Variants in TTBK1 observed in about 807,000 individuals in gnomAD.
The protein encoded by TTBK1 is tau-tubulin kinase 1.
Under a neutral mutation model 108.5 loss-of-function variants are expected in TTBK1, and 34 were observed. The observed-to-expected ratio is 0.31, with a 90% CI of 0.24 to 0.42. The LOEUF (loss-of-function observed/expected upper bound fraction) is 0.42, where lower values mean the gene tolerates loss of function less well. Among genes scored for constraint, TTBK1 ranks in the 10% least tolerant of loss-of-function variants. TTBK1 has a pLI of 1.00. For synonymous variants in TTBK1, 809 were observed against 795.1 expected (o/e 1.02, Z -0.29); for missense variants, 1,539 against 1,826.0 (o/e 0.84, Z 2.86).
intron 9 of TTBK1, among the ~76,000 whole-genome samples, 170 bp downstream of exon 9, chr6:43,256,026 G>C (rs924085794): frequency 6.6e-6 from 1 of 152,140 alleles, no homozygotes; most frequent in African/African-American, 2.4e-5. Context: ...ACTAGTCACA[G>C]CCAAGATTTA....
At position 43,285,884 on chromosome 6, in the gene TTBK1, C is replaced by T. The variant is rs942008740; in HGVS notation, c.*508C>T. On this transcript the variant is annotated 3_prime_UTR_variant, in exon 15 of 15. Transcript: ENST00000259750. This position sits in a 1 kb window ranked among gnomAD's most constrained non-coding sequence, Gnocchi z 4.7. ...GCCTCAAATTCCAGAAGTGGAGGCT[C>T]CAGCCTCCCCGCGAGGGTCCAGCCC... 1 of 152,750 alleles carries T rather than the reference C, an allele frequency of 6.5e-6. No homozygotes were observed. Among genetic ancestry groups the T allele is most frequent in the Non-Finnish European group, 1.5e-5 (1 of 68,196 alleles). 9.5% of individuals were successfully genotyped at this position (152,750 alleles called of 1,614,324 possible). A position where few individuals can be genotyped will look rare whatever the true frequency, so the allele number is the denominator to read the frequency against.
chr6:43,281,551 C>G (rs2150713085), intron 13 of TTBK1, among the ~76,000 whole-genome samples: 1 of 152,156 alleles, frequency 6.6e-6, no homozygotes, highest in Non-Finnish European at 1.5e-5. Context: ...GGGGAACCAC[C>G]AGGAAAGGCA....
chr6:43,287,986 G>C lies in TTBK1; in HGVS notation c.*2610G>C, dbSNP rs1446366579. On this transcript the variant is annotated 3_prime_UTR_variant, in exon 15 of 15. Transcript: ENST00000259750. This position sits in a 1 kb window ranked among gnomAD's most constrained non-coding sequence, Gnocchi z 4.1. ...CCAGCTCCTCACAGAGGCCTGGTTT[G>C]CTCAGTCTTCTGAACTCCAGGGACC... The C allele has an allele frequency of 6.6e-6, 1 of 152,568 alleles. No homozygotes were observed. Among genetic ancestry groups the C allele is most frequent in the Non-Finnish European group, 1.5e-5 (1 of 68,130 alleles). The allele number at this position is 152,568 out of a possible 1,614,324, so 9.5% of individuals were successfully genotyped here. A position where few individuals can be genotyped will look rare whatever the true frequency, so the allele number is the denominator to read the frequency against.
chr6:43,283,311 C>T lies in TTBK1; in HGVS notation c.2571C>T (p.Pro857=), dbSNP rs773777842. 13 of 1,580,566 alleles carry T rather than the reference C, an allele frequency of 8.2e-6. No individual in the cohort carries two copies. The highest frequency in any genetic ancestry group is 7.2e-5 in the Admixed American group (4 of 55,218). ...SPVTAELAPD[P]DLGTLAALTP... ...TCACTGCCGAACTGGCCCCCGACCC[C>T]GACCTGGGCACCCTGGCTGCCCTCA... The change falls in exon 14 of 15, where the codon CCC becomes CCT. Residue 857 remains proline, a synonymous_variant. Coordinates refer to ENST00000259750, the MANE Select transcript of TTBK1 (RefSeq NM_032538.3). The surrounding 1 kb of genome is among the most constrained non-coding windows in gnomAD (Gnocchi z 8.1).
Position 43,263,917 on chromosome 6 carries a change from A to G in TTBK1, c.1986+567A>G, listed in dbSNP as rs982401513. ...AGGCCACGTGGCAGGCAGTGGCAAG[A>G]GAGTGTCCCAGTGGCTTGGGCTGAG... On this transcript the variant is annotated intron_variant, in intron 13 of 14. Coordinates refer to ENST00000259750, the MANE Select transcript of TTBK1 (RefSeq NM_032538.3). This position sits in a 1 kb window ranked among gnomAD's most constrained non-coding sequence, Gnocchi z 4.7. 6.6e-6 allele frequency among the ~76,000 whole-genome samples: 1 copy of G among 152,152 alleles called. No individual in the cohort carries two copies. The highest frequency in any genetic ancestry group is 2.4e-5 in the African/African-American group (1 of 41,430).
Position 43,282,704 on chromosome 6 carries a change from G to A in TTBK1, c.1987-23G>A. On this transcript the variant is annotated intron_variant, in intron 13 of 14. Transcript: ENST00000259750. This position sits in a 1 kb window ranked among gnomAD's most constrained non-coding sequence, Gnocchi z 5.4. ...CCAGGAGGGTGGGTGACCTCAGAGG[G>A]TCCCTGTGTATGCCCCTTGCAGGTG... 6.4e-7 allele frequency: 1 copy of A among 1,572,176 alleles called. No homozygotes were observed. Among genetic ancestry groups the A allele is most frequent in the Non-Finnish European group, 8.6e-7 (1 of 1,159,104 alleles).
Position 43,263,170 on chromosome 6 carries a change from G to A in TTBK1, c.1806G>A (p.Ala602=), listed in dbSNP as rs200071763. ...GGCCCCGGGGACGCAGCATGCAGGC[G>A]CTGGCGGAGGAGGACCTGCAGCATT... is the stretch of plus-strand genomic sequence containing the variant. ...TVRPRGRSMQ[A]LAEEDLQHLP... is the part of the protein sequence containing the mutation. Residue 602 remains alanine, a synonymous_variant, in exon 13 of 15, where the codon GCG becomes GCA. Coordinates refer to ENST00000259750, the MANE Select transcript of TTBK1 (RefSeq NM_032538.3). The surrounding 1 kb of genome is among the most constrained non-coding windows in gnomAD (Gnocchi z 4.7). The A allele has an allele frequency of 1.4e-4, 227 of 1,575,404 alleles. 1 individual carries two copies. In the East Asian group the frequency reaches 4.5e-3, roughly 31 times the overall value.
At chr6:43,277,503 G>A (rs1778033115) in intron 13 of TTBK1, among the ~76,000 whole-genome samples, 1 of 152,246 alleles carries the variant, frequency 6.6e-6, no homozygotes, top group Admixed American at 6.5e-5. Context: ...CAAAGCCCCG[G>A]GGCATTTAGA....
intron 13 of TTBK1, among the ~76,000 whole-genome samples, chr6:43,266,246 C>T (rs2150698674): frequency 6.6e-6 from 1 of 152,322 alleles, no homozygotes; most frequent in South Asian, 2.1e-4. Context: ...ATGTATGTGC[C>T]TGCATGTGGG....
intron 13 of TTBK1, chr6:43,271,134 T>G: frequency 1.0e-6 from 1 of 985,436 alleles, no homozygotes; most frequent in Non-Finnish European, 1.2e-6. Flanking sequence ...TCTGTTCCCC[T>G]GGGGAATGCG....
chr6:43,285,386 C>T lies in TTBK1; in HGVS notation c.*10C>T, dbSNP rs1182973887. ...GGCTGGGGCCAGATAATGACGCCCG[C>T]TGCTCTCCGCGGTCCCCCACCCTCA... is the stretch of plus-strand genomic sequence containing the variant. On this transcript the variant is annotated 3_prime_UTR_variant, in exon 15 of 15. Coordinates refer to ENST00000259750, the MANE Select transcript of TTBK1 (RefSeq NM_032538.3). The surrounding 1 kb of genome is among the most constrained non-coding windows in gnomAD (Gnocchi z 4.7). The T allele has an allele frequency of 6.3e-6, 8 of 1,272,472 alleles. No homozygotes were observed. The highest frequency in any genetic ancestry group is 7.9e-6 in the Non-Finnish European group (8 of 1,013,970). 78.8% of individuals were successfully genotyped at this position (1,272,472 alleles called of 1,614,324 possible).
At chr6:43,252,684 A>T in intron 2 of TTBK1, 55 bp from the exon 3 acceptor site, 2 of 1,595,240 alleles carry the variant, frequency 1.3e-6, no homozygotes, top group Non-Finnish European at 1.7e-6. Context: ...AGCAGGTGGG[A>T]TGAGGAGCTG....
intron 13 of TTBK1, chr6:43,272,767 G>T: frequency 1.7e-5 from 12 of 717,780 alleles, no homozygotes; most frequent in Non-Finnish European, 1.9e-5. Context: ...GCTGGTCTCC[G>T]GTTCCCAGGC....
chr6:43,243,632 C>A lies in TTBK1; in HGVS notation c.-131C>A, dbSNP rs1194817235. ...GCACTGAGCCGCCCCCGCCCCGCCC[C>A]GGCCCCGGGGGATGCGCCGCCCCGA... On this transcript the variant is annotated 5_prime_UTR_variant, in exon 1 of 15. Transcript: ENST00000259750. This position sits in a 1 kb window ranked among gnomAD's most constrained non-coding sequence, Gnocchi z 5.5. 1 of 152,826 alleles carries A rather than the reference C, an allele frequency of 6.5e-6. No individual in the cohort carries two copies. The highest frequency in any genetic ancestry group is 1.5e-5 in the Non-Finnish European group (1 of 68,536). 9.5% of individuals were successfully genotyped at this position (152,826 alleles called of 1,614,324 possible).
intron 14 of TTBK1, 82 bp downstream of exon 14, chr6:43,284,394 C>CTTCTCCAGAACCAAGGTA: frequency 1.4e-6 from 2 of 1,381,402 alleles, no homozygotes; most frequent in South Asian, 1.5e-5. Flanking sequence ...GAACCAAGGT[C>CTTCTCCAGAACCAAGGTA]AGGGGCTATG....
In TTBK1 at chr6:43,269,644, T is replaced by G; in HGVS notation, c.1986+6294T>G. 6.2e-7 allele frequency: 1 copy of G among 1,608,722 alleles called. No individual in the cohort carries two copies. Among genetic ancestry groups the G allele is most frequent in the Non-Finnish European group, 8.5e-7 (1 of 1,177,620 alleles). On this transcript the variant is annotated intron_variant, in intron 13 of 14. Transcript: ENST00000259750. This position sits in a 1 kb window ranked among gnomAD's most constrained non-coding sequence, Gnocchi z 4.8. Reference sequence around the variant, plus strand: ...CTCCACTTTCTTGGTCTCTTTCAGTTGGAGGAGGACAGACTCTCGGGGCAC... The same window carrying G: ...CTCCACTTTCTTGGTCTCTTTCAGTGGGAGGAGGACAGACTCTCGGGGCAC...
rs148828649 is a variant in TTBK1, at chr6:43,277,596, G to A, written c.1987-5131G>A. ...GACACAGAGATGTGGGGTCAAGTGGGTGTGGTTCTGCATAGACCCAGGGTA... is the reference window on the plus strand; with the variant it reads ...GACACAGAGATGTGGGGTCAAGTGGATGTGGTTCTGCATAGACCCAGGGTA... On this transcript the variant is annotated intron_variant, in intron 13 of 14. Coordinates refer to ENST00000259750, the MANE Select transcript of TTBK1 (RefSeq NM_032538.3). Among the ~76,000 whole-genome samples, 600 of 152,350 alleles carry A rather than the reference G, an allele frequency of 3.9e-3. 6 individuals carry two copies. The highest frequency in any genetic ancestry group is 0.014 in the African/African-American group (584 of 41,578).
At position 43,283,090 on chromosome 6, in the gene TTBK1, CCTCGTAGTGG is replaced by C; in HGVS notation, c.2354_2363del (p.Arg785ProfsTer57). 1 of 1,584,058 alleles carries C rather than the reference CCTCGTAGTGG, an allele frequency of 6.3e-7. No individual in the cohort carries two copies. ...AGTTGCCTTGGGGGAGGTGCTGGGG[CCTCGTAGTGG>C]CTCCAGCAGTGAGGGGAGTGAGAGG... On this transcript the variant is annotated frameshift_variant, in exon 14 of 15. Transcript: ENST00000259750. LOFTEE classifies it high-confidence loss of function. The surrounding 1 kb of genome is among the most constrained non-coding windows in gnomAD (Gnocchi z 8.1).
intron 8 of TTBK1, 42 bp from the exon 9 acceptor site, chr6:43,255,689 G>A: frequency 6.2e-7 from 1 of 1,614,096 alleles, no homozygotes; most frequent in Non-Finnish European, 8.5e-7. Context: ...AGGAGTGTCA[G>A]GGCAGCTGGG....
Sources: gnomAD v4.1 joint callset for allele counts (sites outside exome capture counted in the v4.1 genomes callset) on GRCh38, gnomAD v4.1.1 for gene constraint, Gnocchi (gnomAD v3.1) non-coding constraint, MANE v1.5 for transcripts, NCBI Gene and HGNC (gene_info 2026-07-23, HGNC 2026-07-21) for gene names.